The following SH3KBP1 variants were observed in gnomAD, a reference collection of about 807,000 sequenced individuals.
SH3KBP1 encodes SH3 domain containing kinase binding protein 1, also known as SH3 domain-containing kinase-binding protein 1.
In SH3KBP1, 8 loss-of-function variants were observed where a neutral mutation model predicts 50.1. The ratio of observed to expected loss-of-function variants is 0.16; its 90% CI spans 0.09 to 0.29. The LOEUF is 0.29. Ranked by LOEUF, SH3KBP1 falls within the 10% of genes least tolerant of loss-of-function variation. SH3KBP1 has a pLI of 1.00. For missense variants in SH3KBP1, 377 were observed against 535.2 expected (o/e 0.70, Z 2.92); for synonymous variants, 227 against 218.6 (o/e 1.04, Z -0.34).
At chrX:19,883,561 G>A (rs1264796811) in intron 1 of SH3KBP1, among the ~76,000 whole-genome samples, 2 of 111,649 alleles carry the variant, frequency 1.8e-5, no homozygotes, top group Non-Finnish European at 3.8e-5. Flanking sequence ...TAGTTAACTC[G>A]GAGAAAGAGC....
chrX:19,610,612 C>T (rs1005207023), intron 8 of SH3KBP1, among the ~76,000 whole-genome samples: 5 of 111,943 alleles, frequency 4.5e-5, no homozygotes, highest in Non-Finnish European at 1.9e-5. Context: ...AAACCTTAAA[C>T]ATGCAGATGC....
At chrX:19,554,243 TATATTAAAATATATTATATATATTAAAA>T (rs1569279020) in intron 13 of SH3KBP1, among the ~76,000 whole-genome samples, 39 of 66,062 alleles carry the variant, frequency 5.9e-4, no homozygotes, top group African/African-American at 1.9e-3. Context: ...ATATATTATA[TATATTAAAATATATTATATATATTAAAA>T]TATATATCAT....
chrX:19,794,314 G>A (rs2066639521), intron 2 of SH3KBP1, among the ~76,000 whole-genome samples: 1 of 110,621 alleles, frequency 9.0e-6, no homozygotes, highest in Non-Finnish European at 1.9e-5. Flanking sequence ...AGAGGTGGGA[G>A]GCTCACTTGA....
At chrX:19,538,971 A>G (rs1401485548) in intron 16 of SH3KBP1, among the ~76,000 whole-genome samples, 2 of 112,637 alleles carry the variant, frequency 1.8e-5, no homozygotes, top group Non-Finnish European at 1.9e-5. Flanking sequence ...CCTACACAGT[A>G]AGTCCCAAAA....
intron 13 of SH3KBP1, among the ~76,000 whole-genome samples, chrX:19,558,652 ATCTT>A (rs943270745): frequency 8.9e-6 from 1 of 112,038 alleles, no homozygotes; most frequent in Non-Finnish European, 1.9e-5. Flanking sequence ...CTATTTTATC[ATCTT>A]TCTATTGTAA....
chrX:19,797,442 A>G (rs749375385), intron 2 of SH3KBP1, among the ~76,000 whole-genome samples: 65 of 111,894 alleles, frequency 5.8e-4, no homozygotes, highest in African/African-American at 2.0e-3. Context: ...TGGGAAGATG[A>G]CCCCGATGAG....
chrX:19,743,339 G>T (rs900149539), intron 3 of SH3KBP1, among the ~76,000 whole-genome samples: 2 of 110,092 alleles, frequency 1.8e-5, no homozygotes, highest in Non-Finnish European at 3.8e-5. Context: ...GCCTGGGGAG[G>T]TCGAGGCTGC....
chrX:19,758,001 A>C (rs1286862074), intron 2 of SH3KBP1, among the ~76,000 whole-genome samples: 1 of 110,843 alleles, frequency 9.0e-6, no homozygotes, highest in Non-Finnish European at 1.9e-5. Context: ...CCCAATAATC[A>C]ATGTTTTTTT....
chrX:19,793,092 T>A (rs915075133), intron 2 of SH3KBP1, among the ~76,000 whole-genome samples: 1 of 109,062 alleles, frequency 9.2e-6, no homozygotes, highest in Non-Finnish European at 1.9e-5. Flanking sequence ...AGCCCAGGAA[T>A]TCCAGACCAG....
chrX:19,687,649 G>A lies in SH3KBP1; in HGVS notation c.521-3621C>T, dbSNP rs772762263. 12 of 1,208,292 alleles carry A rather than the reference G, an allele frequency of 9.9e-6. No homozygotes were observed. The Admixed American group carries it at 1.1e-4, about 11-fold the overall frequency. On this transcript the variant is annotated intron_variant, in intron 5 of 17. Coordinates refer to ENST00000397821, the MANE Select transcript of SH3KBP1 (RefSeq NM_031892.3). Reference sequence around the variant, plus strand: ...GCGTCTGTGGCCCTCCGTCTTTCCCGGTGCAGCTCGGTACAGAATTGTCCC... The same window carrying A: ...GCGTCTGTGGCCCTCCGTCTTTCCCAGTGCAGCTCGGTACAGAATTGTCCC...
Position 19,609,227 on chromosome X carries a change from C to T in SH3KBP1, c.898-1182G>A, listed in dbSNP as rs751562029. Among the ~76,000 whole-genome samples the T allele has an allele frequency of 5.4e-5, 6 of 112,064 alleles. No individual in the cohort carries two copies. The East Asian group carries it at 1.1e-3, about 21-fold the overall frequency. ...TATCATATGTCTCACATTTGTCCTC[C>T]GAGTCCAATTCCACTTCTACCGCCT... On this transcript the variant is annotated intron_variant, in intron 8 of 17. Coordinates refer to ENST00000397821, the MANE Select transcript of SH3KBP1 (RefSeq NM_031892.3).
At chrX:19,690,665 A>G (rs768576843) in intron 5 of SH3KBP1, among the ~76,000 whole-genome samples, 1 of 112,783 alleles carries the variant, frequency 8.9e-6, no homozygotes, top group South Asian at 3.6e-4. Context: ...CAAAATATGT[A>G]TGAAATTGAA....
intron 2 of SH3KBP1, among the ~76,000 whole-genome samples, chrX:19,751,031 G>A (rs1368930279): frequency 9.0e-6 from 1 of 111,417 alleles, no homozygotes; most frequent in African/African-American, 3.3e-5. Context: ...ATGACTATAG[G>A]AGGGAGACTC....
intron 3 of SH3KBP1, among the ~76,000 whole-genome samples, chrX:19,740,376 T>C (rs1319109442): frequency 4.5e-5 from 5 of 112,277 alleles, no homozygotes; most frequent in Non-Finnish European, 9.4e-5. Context: ...TATTACTGAA[T>C]GACTATGTAT....
chrX:19,821,654 G>A (rs1017864209), intron 2 of SH3KBP1, among the ~76,000 whole-genome samples: 2 of 109,462 alleles, frequency 1.8e-5, no homozygotes, highest in African/African-American at 3.3e-5. Context: ...TCAGCCTCCC[G>A]AGTAGCTGGG....
intron 2 of SH3KBP1, among the ~76,000 whole-genome samples, chrX:19,796,880 G>A (rs929667703): frequency 1.8e-5 from 2 of 112,445 alleles, no homozygotes; most frequent in African/African-American, 6.5e-5. Flanking sequence ...TGCCAGAGCA[G>A]TGATGGATGC....
At chrX:19,597,485 G>A (rs1024584702) in intron 9 of SH3KBP1, among the ~76,000 whole-genome samples, 2 of 111,702 alleles carry the variant, frequency 1.8e-5, no homozygotes, top group Non-Finnish European at 3.8e-5. Context: ...GCAATGGTGC[G>A]ATCATGGCTC....
At chrX:19,592,605 C>T (rs761898995) in intron 10 of SH3KBP1, among the ~76,000 whole-genome samples, 55 of 112,003 alleles carry the variant, frequency 4.9e-4, no homozygotes, top group Admixed American at 1.7e-3. Context: ...CCTGATACTC[C>T]TCCCAGTAAG....
intron 7 of SH3KBP1, among the ~76,000 whole-genome samples, chrX:19,642,801 A>C (rs1418267993): frequency 9.0e-6 from 1 of 111,033 alleles, no homozygotes; most frequent in Non-Finnish European, 1.9e-5. Context: ...ATATCATAAA[A>C]GCTTTTTTTT....
Sources: gnomAD v4.1 joint callset for allele counts (sites outside exome capture counted in the v4.1 genomes callset) on GRCh38, gnomAD v4.1.1 for gene constraint, MANE v1.5 for transcripts, NCBI Gene and HGNC (gene_info 2026-07-23, HGNC 2026-07-21) for gene names.